Variants in INPP5B observed in about 807,000 individuals in gnomAD.
INPP5B encodes inositol polyphosphate-5-phosphatase B.
INPP5B carries 90 observed loss-of-function variants against 118.5 expected under a neutral mutation model. The ratio of observed to expected loss-of-function variants is 0.76; its 90% CI spans 0.64 to 0.90. The LOEUF is 0.90. INPP5B is among the 40% of genes least tolerant of loss of function. The probability of loss-of-function intolerance (pLI) is 0.00; values close to 1 mark genes in which losing one functional copy is unlikely to be tolerated. For synonymous variants in INPP5B, 385 were observed against 418.9 expected (o/e 0.92, Z 0.99); for missense variants, 984 against 1,125.6 (o/e 0.87, Z 1.80).
intron 13 of INPP5B, 155 bp from the exon 14 acceptor site, chr1:37,883,073 C>A (rs1643304987): frequency 3.0e-6 from 3 of 985,346 alleles, no homozygotes; most frequent in Non-Finnish European, 3.6e-6. Context: ...TCTCGCCATC[C>A]CATTTAATAA....
At chr1:37,912,314 G>A (rs771983416) in intron 7 of INPP5B, among the ~76,000 whole-genome samples, 9 of 152,144 alleles carry the variant, frequency 5.9e-5, no homozygotes, top group South Asian at 4.1e-4. Context: ...AGCTGTGCCC[G>A]TCAAACAGCC....
At chr1:37,875,804 T>C (rs921438283) in intron 16 of INPP5B, 88 bp from the exon 17 acceptor site, 7 of 789,380 alleles carry the variant, frequency 8.9e-6, no homozygotes, top group East Asian at 2.6e-5. Flanking sequence ...CACTGGGAAA[T>C]AGCAGTTGAT....
Position 37,878,170 on chromosome 1 carries a change from G to C in INPP5B, c.1677+18C>G. The stretch of plus-strand genomic sequence containing the variant: ...ATTCCCTCCAGAATGATTACAACAG[G>C]TACCAGCTGCCACCTACCCCGATGT... On this transcript the variant is annotated intron_variant, in intron 16 of 23. Transcript: ENST00000373024. 1 of 1,613,522 alleles carries C rather than the reference G, an allele frequency of 6.2e-7. No individual in the cohort carries two copies. The highest frequency in any genetic ancestry group is 8.5e-7 in the Non-Finnish European group (1 of 1,179,660).
rs768975196 is a variant in INPP5B, at chr1:37,931,693, G to A, written c.532+220C>T. 29 of 1,531,374 alleles carry A rather than the reference G, an allele frequency of 1.9e-5. No individual in the cohort carries two copies. The African/African-American group carries it at 3.3e-4, about 17-fold the overall frequency. The allele number at this position is 1,531,374 out of a possible 1,614,324, so 94.9% of individuals were successfully genotyped here. A position where few individuals can be genotyped will look rare whatever the true frequency, so the allele number is the denominator to read the frequency against. On this transcript the variant is annotated intron_variant, in intron 7 of 23. Transcript: ENST00000373024. ...CGAACCTGCAGTGTTGCGCTCCCGA[G>A]AGCCGGCGGCGGCAGACATTTCCCT...
chr1:37,920,384 G>A (rs934232114), intron 7 of INPP5B, among the ~76,000 whole-genome samples: 15 of 152,164 alleles, frequency 9.9e-5, no homozygotes, highest in African/African-American at 3.6e-4. Context: ...GAAGAATGTG[G>A]CCGGGAGCGG....
At chr1:37,918,042 T>C (rs1337474334) in intron 7 of INPP5B, among the ~76,000 whole-genome samples, 3 of 152,190 alleles carry the variant, frequency 2.0e-5, no homozygotes, top group Non-Finnish European at 4.4e-5. Context: ...ACCAGCACCA[T>C]CATTCTTCCT....
chr1:37,872,263 A>C (rs1315933630), intron 19 of INPP5B, among the ~76,000 whole-genome samples: 1 of 149,492 alleles, frequency 6.7e-6, no homozygotes, highest in African/African-American at 2.5e-5. Flanking sequence ...CCAGCTACTC[A>C]GGAGGCTGAG....
intron 11 of INPP5B, 111 bp from the exon 12 acceptor site, chr1:37,887,115 A>C: frequency 1.2e-6 from 1 of 857,004 alleles, no homozygotes; most frequent in Non-Finnish European, 1.9e-6. Context: ...CCTTCTCCAC[A>C]CTAGAACACA....
chr1:37,935,714 G>T (rs1291435639), intron 6 of INPP5B, among the ~76,000 whole-genome samples: 1 of 151,818 alleles, frequency 6.6e-6, no homozygotes, highest in Non-Finnish European at 1.5e-5. Flanking sequence ...TTCTATACCA[G>T]TTGCCAGAGG....
chr1:37,865,182 C>CA (rs369656473), intron 22 of INPP5B, among the ~76,000 whole-genome samples: 119 of 138,892 alleles, frequency 8.6e-4, no homozygotes, highest in Middle Eastern at 3.6e-3. Flanking sequence ...GACTCCATCT[C>CA]AAAAAAAAAA....
At position 37,925,042 on chromosome 1, in the gene INPP5B, C is replaced by T. The variant is rs1204988520; in HGVS notation, c.532+6871G>A. Among the ~76,000 whole-genome samples the T allele has an allele frequency of 2.0e-5, 3 of 152,270 alleles. No individual in the cohort carries two copies. The East Asian group carries it at 5.8e-4, about 29-fold the overall frequency. ...TACAAAGAGTAGCCAGACATGTTAG[C>T]ACATGCCTGTAATCTCAGCTACTTG... On this transcript the variant is annotated intron_variant, in intron 7 of 23. Coordinates refer to ENST00000373024, the MANE Select transcript of INPP5B (RefSeq NM_005540.3).
chr1:37,920,754 A>ATGAG (rs1645025505), intron 7 of INPP5B, among the ~76,000 whole-genome samples: 1 of 151,840 alleles, frequency 6.6e-6, no homozygotes, highest in Admixed American at 6.6e-5. Flanking sequence ...CAATGACCAG[A>ATGAG]TGAGTGATCA....
At chr1:37,864,549 C>CT in intron 22 of INPP5B, 126 bp from the exon 23 acceptor site, 1 of 568,402 alleles carries the variant, frequency 1.8e-6, no homozygotes, top group Non-Finnish European at 3.2e-6. Context: ...AAACTGGTTG[C>CT]TTACCACTTG....
At chr1:37,898,704 AAAG>A (rs1442097246) in intron 7 of INPP5B, among the ~76,000 whole-genome samples, 1 of 151,998 alleles carries the variant, frequency 6.6e-6, no homozygotes, top group Non-Finnish European at 1.5e-5. Context: ...AAAAAAAAAA[AAAG>A]AATGAACCTT....
chr1:37,864,328 C>T lies in INPP5B; in HGVS notation c.2610G>A (p.Leu870=), dbSNP rs1321585699. The change falls in exon 23 of 24, where the codon TTG becomes TTA. Residue 870 remains leucine (L), a synonymous_variant. Transcript: ENST00000373024. ...ELLKNSAKNH[L]DENILASIFG... The stretch of plus-strand genomic sequence containing the variant: ...GCTGCTTACCTAGAATATTCTCATC[C>T]AAATGATTTTTTGCTGAATTTTTCA... 1.2e-6 allele frequency: 2 copies of T among 1,601,050 alleles called. No individual in the cohort carries two copies. The highest frequency in any genetic ancestry group is 3.3e-5 in the Admixed American group (2 of 59,842).
At chr1:37,919,697 G>A (rs1302841577) in intron 7 of INPP5B, among the ~76,000 whole-genome samples, 1 of 152,122 alleles carries the variant, frequency 6.6e-6, no homozygotes, top group Non-Finnish European at 1.5e-5. Context: ...TTGGGAAGCC[G>A]GGAAGCCGAG....
chr1:37,891,531 TTGGGAGGCCAAGGTAGG>T, intron 7 of INPP5B, 77 bp from the exon 8 acceptor site: 1 of 1,053,536 alleles, frequency 9.5e-7, no homozygotes, highest in Non-Finnish European at 1.5e-6. Flanking sequence ...TCCCAGCACT[TTGGGAGGCCAAGGTAGG>T]TGGATCACCT....
chr1:37,882,564 G>A (rs1156356446), intron 14 of INPP5B, among the ~76,000 whole-genome samples: 2 of 152,184 alleles, frequency 1.3e-5, no homozygotes, highest in Admixed American at 6.5e-5. Flanking sequence ...TGAATGACAA[G>A]GTGAGAGAGA....
At chr1:37,923,587 C>A (rs1645126308) in intron 7 of INPP5B, among the ~76,000 whole-genome samples, 1 of 151,442 alleles carries the variant, frequency 6.6e-6, no homozygotes, top group South Asian at 2.1e-4. Context: ...AACAGTTCAG[C>A]TAAGAGGATA....
Sources: gnomAD v4.1 joint callset for allele counts (sites outside exome capture counted in the v4.1 genomes callset) on GRCh38, gnomAD v4.1.1 for gene constraint, MANE v1.5 for transcripts, NCBI Gene and HGNC (gene_info 2026-07-23, HGNC 2026-07-21) for gene names.